WFDC8: variants seen among roughly 807,000 people sequenced by gnomAD.
WFDC8 encodes the protein WAP four-disulfide core domain protein 8.
WFDC8 carries 24 observed loss-of-function variants against 27.0 expected under a neutral mutation model. The ratio of observed to expected loss-of-function variants is 0.89; its 90% CI spans 0.64 to 1.25. The LOEUF (loss-of-function observed/expected upper bound fraction) is 1.25. WFDC8 is among the 50% of genes most tolerant of loss of function. WFDC8 has a pLI of 0.00. For synonymous variants in WFDC8, 106 were observed against 99.7 expected (o/e 1.06, Z -0.38); for missense variants, 287 against 295.9 (o/e 0.97, Z 0.22).
rs748368700 is a variant in WFDC8 at position 45,558,934 on chromosome 20, T to C, written c.195A>G (p.Ser65=). 7 of 1,614,212 alleles carry C rather than the reference T, an allele frequency of 4.3e-6. No homozygotes were observed. The South Asian group carries it at 6.6e-5, about 15-fold the overall frequency. Residue 65 remains serine (S), a synonymous_variant, in exon 3 of 6, where the codon TCA becomes TCG. Coordinates refer to ENST00000289953, the MANE Select transcript of WFDC8 (RefSeq NM_130896.3). ...RLTCTTELPD[S]CNTDFDCKEY... ...CCTTGCAGTCAAAATCTGTGTTACATGAGTCCGGAAGTTCAGTGGTACAGG... is the reference window on the plus strand; with the variant it reads ...CCTTGCAGTCAAAATCTGTGTTACACGAGTCCGGAAGTTCAGTGGTACAGG...
chr20:45,571,709 C>T (rs1275072888), intron 1 of WFDC8, among the ~76,000 whole-genome samples: 1 of 152,214 alleles, frequency 6.6e-6, no homozygotes, highest in African/African-American at 2.4e-5. Flanking sequence ...TTAGATTCCA[C>T]ATGTAAGTGA....
intron 1 of WFDC8, among the ~76,000 whole-genome samples, chr20:45,570,320 TCTAA>T (rs1413348076): frequency 3.3e-5 from 5 of 152,204 alleles, no homozygotes; most frequent in East Asian, 1.9e-4. Flanking sequence ...TTTTAAATTT[TCTAA>T]CTGTTAAAGA....
intron 1 of WFDC8, among the ~76,000 whole-genome samples, 194 bp downstream of exon 1, chr20:45,579,028 T>C (rs891271243): frequency 6.6e-6 from 1 of 152,106 alleles, no homozygotes; most frequent in Non-Finnish European, 1.5e-5. Flanking sequence ...AATCGCTGGA[T>C]GCATTGATGC....
chr20:45,552,208 T>C (rs1980059661), intron 5 of WFDC8, 43 bp from the exon 6 acceptor site: 11 of 1,603,420 alleles, frequency 6.9e-6, no homozygotes, highest in Non-Finnish European at 9.4e-6. Flanking sequence ...AAATACTTGG[T>C]CATAATTTGA....
Position 45,562,216 on chromosome 20 carries a change from G to A in WFDC8, c.30C>T (p.His10=). Residue 10 remains histidine (H), a synonymous_variant, in exon 2 of 6, where the codon CAC becomes CAT. Coordinates refer to ENST00000289953, the MANE Select transcript of WFDC8 (RefSeq NM_130896.3). The part of the protein sequence containing the change: MWTVRTEGG[H]FPLHSPTFSW... Reference sequence around the variant, plus strand: ...AGAAGGTGGGGCTATGGAGAGGAAAGTGCCTGTATGGATGAGAAGAGAGGT... The same window carrying A: ...AGAAGGTGGGGCTATGGAGAGGAAAATGCCTGTATGGATGAGAAGAGAGGT... 6.2e-7 allele frequency: 1 copy of A among 1,613,704 alleles called. No individual in the cohort carries two copies. The highest frequency in any genetic ancestry group is 8.5e-7 in the Non-Finnish European group (1 of 1,179,614).
intron 2 of WFDC8, chr20:45,559,746 G>A (rs1187598757): frequency 2.0e-5 from 3 of 152,026 alleles, no homozygotes; most frequent in South Asian, 2.1e-4. Flanking sequence ...ACTAGAAGAG[G>A]CAAGGGGAAA....
chr20:45,571,299 A>G (rs1980857460), intron 1 of WFDC8, among the ~76,000 whole-genome samples: 1 of 151,874 alleles, frequency 6.6e-6, no homozygotes, highest in Non-Finnish European at 1.5e-5. Flanking sequence ...TTTTATTTTT[A>G]ATTTGAGACA....
chr20:45,567,258 T>C (rs1980710741), intron 1 of WFDC8, among the ~76,000 whole-genome samples: 1 of 152,204 alleles, frequency 6.6e-6, no homozygotes, highest in Non-Finnish European at 1.5e-5. Context: ...AGTGTAAGTG[T>C]GCCTCCAAAC....
rs1980047881 is a variant in WFDC8, at chr20:45,551,932, T to C, written c.*94A>G. ...TCATTCAATATTGTGATACTTAAGA[T>C]AATTTGGCAAGTTGGATACAAGACA... On this transcript the variant is annotated 3_prime_UTR_variant, in exon 6 of 6. Transcript: ENST00000289953. The C allele has an allele frequency of 7.0e-7, 1 of 1,419,466 alleles. No homozygotes were observed. The highest frequency in any genetic ancestry group is 9.7e-7 in the Non-Finnish European group (1 of 1,033,760). The allele number at this position is 1,419,466 out of a possible 1,614,324, so 87.9% of individuals were successfully genotyped here.
At position 45,555,775 on chromosome 20, in the gene WFDC8, T is replaced by C; in HGVS notation, c.371A>G (p.Lys124Arg). ...GGCATTCCCTTCGCAGCCCCTGTAT[T>C]TGAAGGGTGTGCAGCGGTAATTTTT... Reference protein sequence around the residue: ...DFKNYRCTPFKYRGCEGNANN... With the variant: ...DFKNYRCTPFRYRGCEGNANN... Residue 124 changes from lysine to arginine, a missense_variant, in exon 4 of 6, where the codon AAA becomes AGA. Lys to Arg is a conservative substitution (Grantham distance 26). Transcript: ENST00000289953. The C allele has an allele frequency of 2.5e-6, 4 of 1,613,672 alleles. No individual in the cohort carries two copies. The highest frequency in any genetic ancestry group is 2.5e-6 in the Non-Finnish European group (3 of 1,180,014).
intron 4 of WFDC8, among the ~76,000 whole-genome samples, chr20:45,554,936 G>A (rs920832444): frequency 2.0e-5 from 3 of 152,158 alleles, no homozygotes. Context: ...AAATTGCAAC[G>A]CTGCCTCATA....
At chr20:45,558,487 T>C (rs1361508648) in intron 3 of WFDC8, among the ~76,000 whole-genome samples, 1 of 152,194 alleles carries the variant, frequency 6.6e-6, no homozygotes, top group Non-Finnish European at 1.5e-5. Context: ...GCCCAATACA[T>C]TGAGTCACCA....
In WFDC8 at chr20:45,551,928, A is replaced by C; in HGVS notation, c.*98T>G. The C allele has an allele frequency of 1.5e-6, 2 of 1,365,520 alleles. No homozygotes were observed. Among genetic ancestry groups the C allele is most frequent in the Non-Finnish European group, 2.0e-6 (2 of 986,396 alleles). 84.6% of individuals were successfully genotyped at this position (1,365,520 alleles called of 1,614,324 possible). ...AACATCATTCAATATTGTGATACTT[A>C]AGATAATTTGGCAAGTTGGATACAA... On this transcript the variant is annotated 3_prime_UTR_variant, in exon 6 of 6. Transcript: ENST00000289953.
At chr20:45,574,102 A>C (rs964188333) in intron 1 of WFDC8, among the ~76,000 whole-genome samples, 1 of 152,196 alleles carries the variant, frequency 6.6e-6, no homozygotes, top group East Asian at 1.9e-4. Context: ...TAACAAGTGG[A>C]ATAACCTGGA....
At chr20:45,569,906 C>T (rs1980812298) in intron 1 of WFDC8, among the ~76,000 whole-genome samples, 1 of 152,106 alleles carries the variant, frequency 6.6e-6, no homozygotes, top group South Asian at 2.1e-4. Context: ...GAGCTGGAAG[C>T]CATCATCCTT....
intron 1 of WFDC8, among the ~76,000 whole-genome samples, chr20:45,564,915 AGAAAG>A (rs1206187573): frequency 6.6e-6 from 1 of 150,450 alleles, no homozygotes; most frequent in Non-Finnish European, 1.5e-5. Flanking sequence ...AGAAAAAAGA[AGAAAG>A]AGAGAGTGAA....
chr20:45,560,484 C>T (rs1191973350), intron 2 of WFDC8, among the ~76,000 whole-genome samples: 1 of 152,230 alleles, frequency 6.6e-6, no homozygotes, highest in Non-Finnish European at 1.5e-5. Flanking sequence ...CTTAATGTGT[C>T]TCCATGATTC....
chr20:45,553,961 G>A (rs1234463039), intron 4 of WFDC8, among the ~76,000 whole-genome samples: 1 of 152,164 alleles, frequency 6.6e-6, no homozygotes, highest in Admixed American at 6.5e-5. Context: ...CGTTAGGGGA[G>A]TGATGGTAAG....
intron 2 of WFDC8, among the ~76,000 whole-genome samples, chr20:45,561,031 G>A (rs148303466): frequency 2.0e-5 from 3 of 152,284 alleles, no homozygotes; most frequent in East Asian, 1.9e-4. Context: ...GACAGAGTTC[G>A]GCAAATCAAA....
Sources: gnomAD v4.1 joint callset for allele counts (sites outside exome capture counted in the v4.1 genomes callset) on GRCh38, gnomAD v4.1.1 for gene constraint, MANE v1.5 for transcripts, NCBI Gene and HGNC (gene_info 2026-07-23, HGNC 2026-07-21) for gene names.